The following COL9A2 variants were observed in gnomAD, a reference collection of about 807,000 sequenced individuals.
The protein encoded by COL9A2 is collagen type IX alpha 2 chain.
Under a neutral mutation model 111.6 loss-of-function variants are expected in COL9A2, and 66 were observed. The observed-to-expected ratio is 0.59, with a 90% CI of 0.48 to 0.73. The LOEUF (loss-of-function observed/expected upper bound fraction) is 0.73. Ranked by LOEUF, COL9A2 falls within the 30% of genes least tolerant of loss-of-function variation. The pLI, the probability that COL9A2 is intolerant of heterozygous loss-of-function variation, is 0.00. For missense variants in COL9A2, 881 were observed against 954.1 expected (o/e 0.92, Z 1.01); for synonymous variants, 353 against 364.1 (o/e 0.97, Z 0.35).
Position 40,302,998 on chromosome 1 carries a change from T to G in COL9A2, c.1603+133A>C. The G allele has an allele frequency of 8.9e-7, 1 of 1,128,370 alleles. No individual in the cohort carries two copies. Among genetic ancestry groups the G allele is most frequent in the Non-Finnish European group, 1.3e-6 (1 of 770,400 alleles). 69.9% of individuals were successfully genotyped at this position (1,128,370 alleles called of 1,614,324 possible). A position where few individuals can be genotyped will look rare whatever the true frequency, so the allele number is the denominator to read the frequency against. On this transcript the variant is annotated intron_variant, in intron 29 of 31. Transcript: ENST00000372748. The surrounding 1 kb of genome is among the most constrained non-coding windows in gnomAD (Gnocchi z 4.5). ...TGACTTATTCAAGGTCCCAAAACCC[T>G]TCAGAGACTGGACTGGAAGGAGCCC...
Position 40,307,669 on chromosome 1 carries a change from C to G in COL9A2, c.954+34G>C. On this transcript the variant is annotated intron_variant, in intron 18 of 31. Transcript: ENST00000372748. This position sits in a 1 kb window ranked among gnomAD's most constrained non-coding sequence, Gnocchi z 4.8. ...AGAATCCAGGACTCAAGGTCCTGCC[C>G]CTGCCCCAGTCCCATCAGCAGCCCC... 3 of 1,613,148 alleles carry G rather than the reference C, an allele frequency of 1.9e-6. No homozygotes were observed. The highest frequency in any genetic ancestry group is 2.5e-6 in the Non-Finnish European group (3 of 1,179,376).
Position 40,317,205 on chromosome 1 carries a change from G to A in COL9A2, c.-8C>T, listed in dbSNP as rs1417171622. The A allele has an allele frequency of 1.3e-6, 2 of 1,568,284 alleles. No homozygotes were observed. The highest frequency in any genetic ancestry group is 2.4e-5 in the East Asian group (1 of 41,652). On this transcript the variant is annotated 5_prime_UTR_variant, in exon 1 of 32. Transcript: ENST00000372748. The surrounding 1 kb of genome is among the most constrained non-coding windows in gnomAD (Gnocchi z 4.3). ...GGCCGTAGCGGCGGCCATGGCTGGC[G>A]GCGAGACCAAGGGGGACGGGTGCGT...
At position 40,302,639 on chromosome 1, in the gene COL9A2, C is replaced by T. The variant is rs535212284; in HGVS notation, c.1774G>A (p.Gly592Ser). The change falls in exon 30 of 32, where the codon GGC becomes AGC. Residue 592 changes from glycine to serine, a missense_variant. Gly to Ser is a moderately conservative substitution (Grantham distance 56). Coordinates refer to ENST00000372748, the MANE Select transcript of COL9A2 (RefSeq NM_001852.4). The surrounding 1 kb of genome is among the most constrained non-coding windows in gnomAD (Gnocchi z 4.5). ...CACTCACCCTTGGGCCCCGTGTTGC[C>T]GATCTGACCCACGGCTCCCACGATG... The part of the protein sequence containing the change: ...PGIVGAVGQI[G>S]NTGPKGKRGE... 3.1e-6 allele frequency: 5 copies of T among 1,603,304 alleles called. No homozygotes were observed. Among genetic ancestry groups the T allele is most frequent in the South Asian group, 2.2e-5 (2 of 89,234 alleles).
In COL9A2 at chr1:40,302,565, G is replaced by A. The variant is rs1424154860; in HGVS notation, c.1792+56C>T. On this transcript the variant is annotated intron_variant, in intron 30 of 31. Coordinates refer to ENST00000372748, the MANE Select transcript of COL9A2 (RefSeq NM_001852.4). This position sits in a 1 kb window ranked among gnomAD's most constrained non-coding sequence, Gnocchi z 4.5. ...CTGAGAAGGGAATGGGGAAAGGGCCGGCCTGGACAAATCCTCACTGCCTGG... is the reference window on the plus strand; with the variant it reads ...CTGAGAAGGGAATGGGGAAAGGGCCAGCCTGGACAAATCCTCACTGCCTGG... 25 of 1,540,464 alleles carry A rather than the reference G, an allele frequency of 1.6e-5. No homozygotes were observed. The highest frequency in any genetic ancestry group is 1.3e-4 in the South Asian group (11 of 84,170).
Position 40,304,111 on chromosome 1 carries a change from G to A in COL9A2, c.1288-12C>T, listed in dbSNP as rs77695700. 51,478 of 1,548,576 alleles carry A rather than the reference G, an allele frequency of 0.033. 1,423 individuals are homozygous for A. The highest frequency in any genetic ancestry group is 0.15 in the East Asian group (6,193 of 42,066). On this transcript the variant is annotated splice_polypyrimidine_tract_variant and intron_variant, in intron 24 of 31. Transcript: ENST00000372748. ...TTCCCTGGGGAGCCCTGGAGAAAGC[G>A]GGCAGTGAGGGGTTTGGCGAGCTCC...
chr1:40,306,716 G>A (rs986934753), intron 19 of COL9A2, among the ~76,000 whole-genome samples: 3 of 152,212 alleles, frequency 2.0e-5, no homozygotes, highest in Non-Finnish European at 4.4e-5. Flanking sequence ...GATATGGCAG[G>A]AGGGGCAGGT....
Position 40,312,293 on chromosome 1 carries a change from G to T in COL9A2, c.363+163C>A. The T allele has an allele frequency of 9.2e-7, 1 of 1,092,544 alleles. No individual in the cohort carries two copies. The highest frequency in any genetic ancestry group is 1.4e-6 in the Non-Finnish European group (1 of 733,764). The allele number at this position is 1,092,544 out of a possible 1,614,324, so 67.7% of individuals were successfully genotyped here. ...CAGAGAATTGCAGAGCCAGTGGACA[G>T]GCCCAGAGTGGGCTGGCCCTGGGTC... On this transcript the variant is annotated intron_variant, in intron 7 of 31. Transcript: ENST00000372748. The surrounding 1 kb of genome is among the most constrained non-coding windows in gnomAD (Gnocchi z 6.0).
Position 40,305,696 on chromosome 1 carries a change from C to T in COL9A2, c.1107+19G>A, listed in dbSNP as rs1490649562. On this transcript the variant is annotated intron_variant, in intron 21 of 31. Transcript: ENST00000372748. ...CACCCTAAAGCAGGAACCCTTGTGT[C>T]AGTGCAGGGGGCATTTACCTCTTTC... 1 of 1,612,996 alleles carries T rather than the reference C, an allele frequency of 6.2e-7. No individual in the cohort carries two copies. Among genetic ancestry groups the T allele is most frequent in the Non-Finnish European group, 8.5e-7 (1 of 1,179,136 alleles).
Position 40,304,843 on chromosome 1 carries a change from T to C in COL9A2, c.1112A>G (p.Glu371Gly), listed in dbSNP as rs751436539. 2 of 1,550,424 alleles carry C rather than the reference T, an allele frequency of 1.3e-6. No homozygotes were observed. Among genetic ancestry groups the C allele is most frequent in the South Asian group, 2.4e-5 (2 of 84,046 alleles). The part of the protein sequence containing the change: ...GFSGPPGKEG[E>G]PGPRGEIGPQ... ...ACCAATTTCTCCTCGAGGCCCTGGC[T>C]CTCCCTGGAGGAAGGAGAAATTGGG... The change falls in exon 22 of 32, where the codon GAG becomes GGG. Residue 371 changes from glutamate to glycine, a missense_variant. By Grantham distance (98) the Glu-to-Gly change is moderately conservative (BLOSUM62 -2). Transcript: ENST00000372748.
chr1:40,306,013 G>T, intron 20 of COL9A2, 130 bp downstream of exon 20: 1 of 1,042,278 alleles, frequency 9.6e-7, no homozygotes, highest in Non-Finnish European at 1.5e-6. Flanking sequence ...GTGGCAGGAG[G>T]GAGGTGGTTA....
chr1:40,304,868 G>A (rs1223017757), intron 21 of COL9A2, 21 bp from the exon 22 acceptor site: 16 of 1,548,070 alleles, frequency 1.0e-5, no homozygotes, highest in Admixed American at 3.9e-5. Flanking sequence ...GAGAAATTGG[G>A]GCTAAGCGTT....
In COL9A2 at chr1:40,311,172, C is replaced by G. The variant is rs758059165; in HGVS notation, c.577-26G>C. ...CTGAAGGGAAGGAGAGAGCTCAATA[C>G]GAGGTCCCCTCCTGTCACCTGCACC... On this transcript the variant is annotated intron_variant, in intron 11 of 31. Transcript: ENST00000372748. This position sits in a 1 kb window ranked among gnomAD's most constrained non-coding sequence, Gnocchi z 5.1. The G allele has an allele frequency of 1.9e-6, 3 of 1,614,200 alleles. No homozygotes were observed. The highest frequency in any genetic ancestry group is 3.3e-5 in the Admixed American group (2 of 60,034).
intron 2 of COL9A2, chr1:40,315,162 G>T (rs2124104930): frequency 1.1e-6 from 1 of 944,040 alleles, no homozygotes; most frequent in Non-Finnish European, 1.3e-6. Context: ...TCTAAATCGG[G>T]GAGAGAAAAC....
At position 40,302,944 on chromosome 1, in the gene COL9A2, T is replaced by C. The variant is rs189871708; in HGVS notation, c.1604-135A>G. 3.0e-4 allele frequency: 338 copies of C among 1,140,482 alleles called. No individual in the cohort carries two copies. The East Asian group carries it at 3.7e-3, about 13-fold the overall frequency. 70.6% of individuals were successfully genotyped at this position (1,140,482 alleles called of 1,614,324 possible). A position where few individuals can be genotyped will look rare whatever the true frequency, so the allele number is the denominator to read the frequency against. Reference sequence around the variant, plus strand: ...CAGAAAAGCACCACCTTCCGTGGGCTCTGTTTTGCGGAAGTCAAAGGCCCA... The same window carrying C: ...CAGAAAAGCACCACCTTCCGTGGGCCCTGTTTTGCGGAAGTCAAAGGCCCA... On this transcript the variant is annotated intron_variant, in intron 29 of 31. Transcript: ENST00000372748. The surrounding 1 kb of genome is among the most constrained non-coding windows in gnomAD (Gnocchi z 4.5).
In COL9A2 at chr1:40,314,900, G is replaced by A. The variant is rs1025180486; in HGVS notation, c.151-513C>T. 1.3e-5 allele frequency among the ~76,000 whole-genome samples: 2 copies of A among 152,176 alleles called. No homozygotes were observed. Among genetic ancestry groups the A allele is most frequent in the African/African-American group, 4.8e-5 (2 of 41,446 alleles). On this transcript the variant is annotated intron_variant, in intron 2 of 31. Coordinates refer to ENST00000372748, the MANE Select transcript of COL9A2 (RefSeq NM_001852.4). This position sits in a 1 kb window ranked among gnomAD's most constrained non-coding sequence, Gnocchi z 4.1. ...CCAAGGAGGGAAGGACCTCCTTCCA[G>A]TGCCAAAGGACCCTTGGTGGTGGGC...
chr1:40,311,473 A>G lies in COL9A2; in HGVS notation c.519+27T>C. 1.4e-6 allele frequency: 1 copy of G among 727,194 alleles called. No individual in the cohort carries two copies. Among genetic ancestry groups the G allele is most frequent in the African/African-American group, 2.8e-5 (1 of 35,986 alleles). The allele number at this position is 727,194 out of a possible 1,614,324, so 45.0% of individuals were successfully genotyped here. A position where few individuals can be genotyped will look rare whatever the true frequency, so the allele number is the denominator to read the frequency against. On this transcript the variant is annotated intron_variant, in intron 10 of 31. Transcript: ENST00000372748. This position sits in a 1 kb window ranked among gnomAD's most constrained non-coding sequence, Gnocchi z 5.1. ...CTCTGTGGCCCCGCCCCCCTGTGTT[A>G]GCCCCGCCCCAGACCTCGTCTCTCA...
chr1:40,315,374 T>C lies in COL9A2; in HGVS notation c.150+216A>G, dbSNP rs774020339. ...CGGCGGACTGAACAGCAGCTCCTTG[T>C]CTGTCGGCGGCTATAACGGGCTCCG... On this transcript the variant is annotated intron_variant, in intron 2 of 31. Coordinates refer to ENST00000372748, the MANE Select transcript of COL9A2 (RefSeq NM_001852.4). 72 of 1,386,544 alleles carry C rather than the reference T, an allele frequency of 5.2e-5. 1 individual carries two copies. The Admixed American group carries it at 1.9e-3, about 36-fold the overall frequency. The allele number at this position is 1,386,544 out of a possible 1,614,324, so 85.9% of individuals were successfully genotyped here.
Position 40,312,638 on chromosome 1 carries a change from G to C in COL9A2, c.304-29C>G, listed in dbSNP as rs756948121. On this transcript the variant is annotated intron_variant, in intron 5 of 31. Coordinates refer to ENST00000372748, the MANE Select transcript of COL9A2 (RefSeq NM_001852.4). This position sits in a 1 kb window ranked among gnomAD's most constrained non-coding sequence, Gnocchi z 6.0. Reference sequence around the variant, plus strand: ...CAGAAGCAACGAGAAAGGCTCAGAGGCTGGGGTTTCCCCGGCTCCTACTTC... The same window carrying C: ...CAGAAGCAACGAGAAAGGCTCAGAGCCTGGGGTTTCCCCGGCTCCTACTTC... The C allele has an allele frequency of 1.2e-6, 2 of 1,612,704 alleles. No homozygotes were observed. The highest frequency in any genetic ancestry group is 2.7e-5 in the African/African-American group (2 of 75,028).
Position 40,309,434 on chromosome 1 carries a change from G to GAA in COL9A2, c.846+502_846+503dup, listed in dbSNP as rs780999102. On this transcript the variant is annotated intron_variant, in intron 16 of 31. Transcript: ENST00000372748. ...TTCCCCCAACAGGTCTATTAATTGG[G>GAA]AAAAAAAAAAAAAAAGAGTTAAGAG... Among the ~76,000 whole-genome samples, 664 of 139,522 alleles carry GAA rather than the reference G, an allele frequency of 4.8e-3. 1 individual carries two copies. The highest frequency in any genetic ancestry group is 0.016 in the African/African-American group (631 of 38,272). 91.5% of individuals were successfully genotyped at this position (139,522 alleles called of 152,430 possible).
Sources: allele counts gnomAD v4.1 joint callset (sites outside exome capture counted in the v4.1 genomes callset), GRCh38; gene constraint gnomAD v4.1.1; non-coding constraint Gnocchi (gnomAD v3.1); transcripts MANE v1.5; gene names NCBI Gene and HGNC (gene_info 2026-07-23, HGNC 2026-07-21).